GNG7: variants seen among roughly 807,000 people sequenced by gnomAD.
The protein encoded by GNG7 is guanine nucleotide-binding protein G(I)/G(S)/G(O) subunit gamma-7.
Under a neutral mutation model 4.0 loss-of-function variants are expected in GNG7, and 1 was observed. The observed-to-expected ratio is 0.25, with a 90% CI of 0.09 to 1.18. The LOEUF is 1.18. Ranked by LOEUF, GNG7 falls within the 50% of genes most tolerant of loss-of-function variation. The pLI, the probability that GNG7 is intolerant of heterozygous loss-of-function variation, is 0.50. For missense variants in GNG7, 86 were observed against 91.9 expected, an observed-to-expected ratio of 0.94 and a Z score of 0.26; for synonymous variants, 34 against 36.9, an observed-to-expected ratio of 0.92 and a Z score of 0.29.
intron 2 of GNG7, among the ~76,000 whole-genome samples, chr19:2,620,266 G>A (rs1349477890): frequency 6.7e-6 from 1 of 148,222 alleles, no homozygotes; most frequent in Non-Finnish European, 1.5e-5. Flanking sequence ...GGAGGGGAGA[G>A]GAGAGGACCC....
At chr19:2,624,392 G>A (rs937670397) in intron 2 of GNG7, among the ~76,000 whole-genome samples, 35 of 151,680 alleles carry the variant, frequency 2.3e-4, no homozygotes, top group African/African-American at 8.0e-4. Flanking sequence ...TTAGCCGGGC[G>A]TGGTGGTGGG....
intron 1 of GNG7, among the ~76,000 whole-genome samples, chr19:2,687,306 C>T (rs572133730): frequency 6.6e-6 from 1 of 152,234 alleles, no homozygotes; most frequent in East Asian, 1.9e-4. Context: ...GCAATCCTCT[C>T]ATCTTGGCCT....
chr19:2,673,421 C>G (rs185194056), intron 1 of GNG7, among the ~76,000 whole-genome samples: 1 of 148,658 alleles, frequency 6.7e-6, no homozygotes, highest in Non-Finnish European at 1.5e-5. Context: ...GACCGGGCGC[C>G]GTGGCTCACG....
intron 3 of GNG7, among the ~76,000 whole-genome samples, chr19:2,536,978 G>A (rs1405496767): frequency 1.2e-4 from 18 of 146,936 alleles, no homozygotes; most frequent in Non-Finnish European, 1.0e-4. Flanking sequence ...ACGGAGTCTC[G>A]CTCTGTCGCC....
At chr19:2,523,855 C>T (rs1415253560) in intron 3 of GNG7, among the ~76,000 whole-genome samples, 2 of 152,146 alleles carry the variant, frequency 1.3e-5, no homozygotes, top group Non-Finnish European at 2.9e-5. Flanking sequence ...TTTGACACCG[C>T]CCAGCCTCCT....
intron 1 of GNG7, among the ~76,000 whole-genome samples, chr19:2,664,265 G>A (rs549809351): frequency 2.6e-5 from 4 of 152,324 alleles, no homozygotes; most frequent in South Asian, 2.1e-4. Flanking sequence ...TTGTGCCATC[G>A]CTGAAGTTGT....
At chr19:2,589,721 C>T (rs1485106622) in intron 2 of GNG7, among the ~76,000 whole-genome samples, 1 of 152,186 alleles carries the variant, frequency 6.6e-6, no homozygotes, top group Non-Finnish European at 1.5e-5. Flanking sequence ...TTTAAAACCT[C>T]ACTGCATACG....
Position 2,657,349 on chromosome 19 carries a change from AAAAAAAAAAAAAATATAT to A in GNG7, c.-134-11087_-134-11070del, listed in dbSNP as rs1201983812. Among the ~76,000 whole-genome samples, 67 of 19,668 alleles carry A rather than the reference AAAAAAAAAAAAAATATAT, an allele frequency of 3.4e-3. 4 individuals carry two copies. Among genetic ancestry groups the A allele is most frequent in the South Asian group, 0.027 (13 of 476 alleles). 12.9% of individuals were successfully genotyped at this position (19,668 alleles called of 152,430 possible). A position where few individuals can be genotyped will look rare whatever the true frequency, so the allele number is the denominator to read the frequency against. On this transcript the variant is annotated intron_variant, in intron 1 of 4. Coordinates refer to ENST00000382159, the MANE Select transcript of GNG7 (RefSeq NM_052847.3). ...ACCCCGTCTCAATTAAAAAAAAAAA[AAAAAAAAAAAAAATATAT>A]ATATATATATATATATATATATATA... is the stretch of plus-strand genomic sequence containing the variant.
At chr19:2,527,353 G>A (rs1978438461) in intron 3 of GNG7, among the ~76,000 whole-genome samples, 1 of 152,182 alleles carries the variant, frequency 6.6e-6, no homozygotes, top group South Asian at 2.1e-4. Flanking sequence ...GGGGTGCAGA[G>A]GGAGTTTTGG....
rs145443709 is a variant in GNG7 at position 2,665,361 on chromosome 19, T to TGG, written c.-134-19083_-134-19082dup. Among the ~76,000 whole-genome samples the TGG allele has an allele frequency of 7.9e-3, 1,041 of 132,558 alleles. 29 individuals carry two copies. Among genetic ancestry groups the TGG allele is most frequent in the East Asian group, 0.023 (109 of 4,746 alleles). The allele number at this position is 132,558 out of a possible 152,430, so 87.0% of individuals were successfully genotyped here. A position where few individuals can be genotyped will look rare whatever the true frequency, so the allele number is the denominator to read the frequency against. On this transcript the variant is annotated intron_variant, in intron 1 of 4. Coordinates refer to ENST00000382159, the MANE Select transcript of GNG7 (RefSeq NM_052847.3). ...TCCCCAGACATGGCCCAGTGTCCCC[T>TGG]GGGGGGGGGGGGGCAGGATCACCCT...
At chr19:2,524,844 CTG>C (rs1219126186) in intron 3 of GNG7, among the ~76,000 whole-genome samples, 2 of 152,182 alleles carry the variant, frequency 1.3e-5, no homozygotes, top group Non-Finnish European at 2.9e-5. Flanking sequence ...GTGTACGTCA[CTG>C]TAGGTGCGTG....
intron 1 of GNG7, among the ~76,000 whole-genome samples, chr19:2,659,113 G>T (rs940850443): frequency 3.6e-4 from 55 of 152,026 alleles, no homozygotes; most frequent in Non-Finnish European, 7.7e-4. Context: ...GGGACTACAG[G>T]CGCCCGCCAC....
intron 2 of GNG7, among the ~76,000 whole-genome samples, chr19:2,576,014 G>GAC (rs1980325224): frequency 1.3e-5 from 1 of 76,752 alleles, no homozygotes; most frequent in African/African-American, 1.2e-4. Context: ...GGTACACGCA[G>GAC]ACATGCAGAC....
rs746437875 is a variant in GNG7, at chr19:2,614,035, G to A, written c.-78+32189C>T. Among the ~76,000 whole-genome samples the A allele has an allele frequency of 6.6e-6, 1 of 152,194 alleles. No homozygotes were observed. The highest frequency in any genetic ancestry group is 1.5e-5 in the Non-Finnish European group (1 of 68,026). ...AATGCAGAATCCACCCAGGGAACTC[G>A]GGCCCCGCGCCTACCCCCGGGGTAA... On this transcript the variant is annotated intron_variant, in intron 2 of 4. Transcript: ENST00000382159. This position sits in a 1 kb window ranked among gnomAD's most constrained non-coding sequence, Gnocchi z 6.0.
chr19:2,515,146 A>G lies in GNG7; in HGVS notation c.83T>C (p.Val28Ala). The G allele has an allele frequency of 2.5e-6, 4 of 1,613,598 alleles. No individual in the cohort carries two copies. Among genetic ancestry groups the G allele is most frequent in the Non-Finnish European group, 3.4e-6 (4 of 1,179,926 alleles). The change falls in exon 5 of 5, where the codon GTC (valine) becomes GCC (alanine). Residue 28 changes from valine (V) to alanine (A), a missense_variant and splice_region_variant. Val to Ala is a moderately conservative substitution (Grantham distance 64). Coordinates refer to ENST00000382159, the MANE Select transcript of GNG7 (RefSeq NM_052847.3). Reference protein sequence around the residue: ...RIEAGIERIKVSKAASDLMSY... With the variant: ...RIEAGIERIKASKAASDLMSY... Reference sequence around the variant, plus strand: ...CATGAGGTCAGACGCCGCTTTGGAGACCTGTGTTTGAGCACAAGGAGGAGA... The same window carrying G: ...CATGAGGTCAGACGCCGCTTTGGAGGCCTGTGTTTGAGCACAAGGAGGAGA...
In GNG7 at chr19:2,511,642, G is replaced by T; in HGVS notation, c.*3380C>A. 1 of 258,872 alleles carries T rather than the reference G, an allele frequency of 3.9e-6. No homozygotes were observed. The highest frequency in any genetic ancestry group is 6.0e-6 in the Non-Finnish European group (1 of 165,352). The allele number at this position is 258,872 out of a possible 1,614,324, so 16.0% of individuals were successfully genotyped here. On this transcript the variant is annotated 3_prime_UTR_variant, in exon 5 of 5. Transcript: ENST00000382159. This position sits in a 1 kb window ranked among gnomAD's most constrained non-coding sequence, Gnocchi z 6.3. ...CCCTCTCCTACCTGCCCCAGAACTT[G>T]GGCAGGACGGGCTGTTAACTTGGAG...
At chr19:2,550,397 T>G (rs1979280047) in intron 3 of GNG7, among the ~76,000 whole-genome samples, 2 of 152,198 alleles carry the variant, frequency 1.3e-5, no homozygotes, top group African/African-American at 2.4e-5. Flanking sequence ...GCTAATTTTT[T>G]TATTTTTTGG....
intron 2 of GNG7, among the ~76,000 whole-genome samples, chr19:2,589,687 G>A (rs868531935): frequency 2.0e-5 from 3 of 152,092 alleles, no homozygotes; most frequent in Non-Finnish European, 4.4e-5. Context: ...CTGCGCGTAG[G>A]GGGTTGTACT....
chr19:2,539,906 T>C (rs1386050663), intron 3 of GNG7, among the ~76,000 whole-genome samples: 3 of 141,602 alleles, frequency 2.1e-5, no homozygotes, highest in African/African-American at 5.2e-5. Flanking sequence ...CCTCCTTCCC[T>C]CCCTCCCTCT....
Sources: allele counts gnomAD v4.1 joint callset (sites outside exome capture counted in the v4.1 genomes callset), GRCh38; gene constraint gnomAD v4.1.1; non-coding constraint Gnocchi (gnomAD v3.1); transcripts MANE v1.5; gene names NCBI Gene and HGNC (gene_info 2026-07-23, HGNC 2026-07-21).